The following COL6A5 variants were observed in gnomAD, a reference collection of about 807,000 sequenced individuals.
The protein encoded by COL6A5 is collagen alpha-5(VI) chain.
In COL6A5, 48 loss-of-function variants were observed where a neutral mutation model predicts 65.6. The ratio of observed to expected loss-of-function variants is 0.73; its 90% CI spans 0.58 to 0.93. COL6A5 has a LOEUF of 0.93. COL6A5 is among the 40% of genes least tolerant of loss of function. The pLI is 0.00. For synonymous variants in COL6A5, 291 were observed against 322.8 expected (o/e 0.90, Z 1.05); for missense variants, 914 against 928.3 (o/e 0.98, Z 0.20).
chr3:130,431,473 C>A, exon 1 of COL6A5: 1 of 1,548,714 alleles, frequency 6.5e-7, no homozygotes, highest in Non-Finnish European at 8.7e-7. Context: ...AGAAAAATGT[C>A]CAGCATATCC....
rs547674353 is a variant in COL6A5 at position 130,379,837 on chromosome 3, C to A, written c.1087C>A (p.Leu363Met). The A allele has an allele frequency of 4.5e-6, 7 of 1,551,350 alleles. No individual in the cohort carries two copies. The Admixed American group carries it at 1.4e-4, about 30-fold the overall frequency. Residue 363 changes from leucine to methionine, a missense_variant and NMD_transcript_variant, in exon 4 of 42, where the codon CTG becomes ATG. Transcript: ENST00000312481. ...GCATGATGCTGCGCTGAACCTTCGA[C>A]TGGAGGATGTAAACGTGTTTGCCTT...
rs1211320418 is a variant in COL6A5 at position 130,381,919 on chromosome 3, A to G, written c.1300+1869A>G. 2.0e-5 allele frequency among the ~76,000 whole-genome samples: 3 copies of G among 152,118 alleles called. No homozygotes were observed. In the East Asian group the frequency reaches 5.8e-4, roughly 29 times the overall value. On this transcript the variant is annotated intron_variant and NMD_transcript_variant, in intron 4 of 41. Coordinates refer to the COL6A5 transcript ENST00000312481. ...TTGTAAATGGGAAGATATGGGACCAAAGCTAGGGCACAAGGCCTCACTATG... is the reference window on the plus strand; with the variant it reads ...TTGTAAATGGGAAGATATGGGACCAGAGCTAGGGCACAAGGCCTCACTATG...
intron 1 of COL6A5, among the ~76,000 whole-genome samples, chr3:130,354,672 A>G (rs927746715): frequency 1.3e-5 from 2 of 152,216 alleles, no homozygotes; most frequent in East Asian, 1.9e-4. Context: ...TTGAAGAGTC[A>G]TCTAGCCCAG....
intron 7 of COL6A5, among the ~76,000 whole-genome samples, chr3:130,481,150 A>G (rs529621349): frequency 6.6e-5 from 10 of 151,948 alleles, no homozygotes; most frequent in Non-Finnish European, 1.2e-4. Context: ...ACACCCATCA[A>G]CCCGTCATCT....
chr3:130,467,411 G>A (rs1417150074), intron 5 of COL6A5, among the ~76,000 whole-genome samples: 1 of 151,938 alleles, frequency 6.6e-6, no homozygotes, highest in Non-Finnish European at 1.5e-5. Context: ...AAAATAGCTA[G>A]AAGAGTAGAT....
At chr3:130,429,546 A>G, upstream of COL6A5, 1 of 1,542,646 alleles carries the variant, frequency 6.5e-7, no homozygotes, top group Non-Finnish European at 8.7e-7. Context: ...AGAAGGTAAC[A>G]AACTTTTCCC....
chr3:130,392,261 C>G (rs570623897), intron 7 of COL6A5, among the ~76,000 whole-genome samples: 2 of 152,152 alleles, frequency 1.3e-5, no homozygotes, highest in Admixed American at 6.5e-5. Context: ...ATGTGCTTTT[C>G]TGGGTAAGCG....
intron 7 of COL6A5, among the ~76,000 whole-genome samples, chr3:130,473,510 CTTAAAA>C (rs1710012331): frequency 1.3e-5 from 2 of 152,032 alleles, no homozygotes; most frequent in African/African-American, 2.4e-5. Context: ...AAGCTAGACA[CTTAAAA>C]TTAAAGAGAA....
chr3:130,433,768 G>C (rs181394917), intron 1 of COL6A5, among the ~76,000 whole-genome samples: 45 of 152,192 alleles, frequency 3.0e-4, no homozygotes, highest in African/African-American at 1.1e-3. Flanking sequence ...CGATTGGGTA[G>C]GTAAATAAGA....
intron 24 of COL6A5, among the ~76,000 whole-genome samples, chr3:130,417,544 A>T (rs1319881597): frequency 6.6e-6 from 1 of 152,158 alleles, no homozygotes. Context: ...CCTGAATCCA[A>T]GAATGCATGT....
intron 5 of COL6A5, among the ~76,000 whole-genome samples, chr3:130,388,161 G>A (rs919294678): frequency 2.0e-5 from 3 of 151,996 alleles, no homozygotes; most frequent in Admixed American, 6.6e-5. Context: ...TTGAAATTGT[G>A]TTTCTCCAGA....
exon 3 of COL6A5, chr3:130,376,252 A>G (rs1431186271): frequency 1.2e-6 from 2 of 1,605,458 alleles, no homozygotes; most frequent in Non-Finnish European, 1.7e-6. Context: ...GGCCCTGTGT[A>G]TGCAGATGTC....
chr3:130,362,323 TA>T (rs1935164535), intron 1 of COL6A5, among the ~76,000 whole-genome samples: 5 of 2,840 alleles, frequency 1.8e-3, no homozygotes, highest in African/African-American at 4.6e-3. Context: ...TATATATATA[TA>T]TATTTTTTTT....
At chr3:130,432,120 T>A (rs1260422380) in intron 1 of COL6A5, among the ~76,000 whole-genome samples, 171 bp downstream of exon 33, 1 of 152,158 alleles carries the variant, frequency 6.6e-6, no homozygotes, top group Non-Finnish European at 1.5e-5. Flanking sequence ...TCCTGAATAA[T>A]AACAACAGTC....
intron 1 of COL6A5, among the ~76,000 whole-genome samples, chr3:130,367,385 T>C (rs1419544201): frequency 6.6e-6 from 1 of 152,216 alleles, no homozygotes; most frequent in Non-Finnish European, 1.5e-5. Flanking sequence ...GATTCCCTCA[T>C]TTGAAATAAT....
chr3:130,403,727 AC>A, intron 13 of COL6A5, 65 bp downstream of exon 13: 1 of 1,161,950 alleles, frequency 8.6e-7, no homozygotes, highest in Non-Finnish European at 1.2e-6. Context: ...ACACACACAC[AC>A]AAACACACAC....
At chr3:130,422,608 A>T in intron 27 of COL6A5, 112 bp from the exon 28 acceptor site, 1 of 671,558 alleles carries the variant, frequency 1.5e-6, no homozygotes, top group Non-Finnish European at 2.6e-6. Flanking sequence ...ATTGGCCTTC[A>T]TTAATGTATG....
intron 1 of COL6A5, among the ~76,000 whole-genome samples, chr3:130,350,490 A>T (rs1392050485): frequency 1.3e-5 from 2 of 152,218 alleles, no homozygotes; most frequent in East Asian, 3.8e-4. Context: ...ATGTGCAAAA[A>T]TCACAAGCAT....
chr3:130,370,768 A>G (rs1457600667), intron 1 of COL6A5, among the ~76,000 whole-genome samples: 1 of 152,248 alleles, frequency 6.6e-6, no homozygotes, highest in Non-Finnish European at 1.5e-5. Flanking sequence ...GGCAGTATCC[A>G]AAGAAACTTA....
Sources: gnomAD v4.1 joint callset for allele counts (sites outside exome capture counted in the v4.1 genomes callset) on GRCh38, gnomAD v4.1.1 for gene constraint, MANE v1.5 for transcripts, NCBI Gene and HGNC (gene_info 2026-07-23, HGNC 2026-07-21) for gene names.